Variants in FRAS1 observed in about 807,000 individuals in gnomAD.
FRAS1 encodes the protein extracellular matrix organizing protein FRAS1.
FRAS1 carries 290 observed loss-of-function variants against 435.2 expected under a neutral mutation model. The ratio of observed to expected loss-of-function variants is 0.67; its 90% CI spans 0.61 to 0.73. The LOEUF (loss-of-function observed/expected upper bound fraction) is 0.73, where lower values mean the gene tolerates loss of function less well. Among genes scored for constraint, FRAS1 ranks in the 30% least tolerant of loss-of-function variants. The probability of loss-of-function intolerance (pLI) is 0.00; values close to 1 mark genes in which losing one functional copy is unlikely to be tolerated. For synonymous variants in FRAS1, 1,800 were observed against 1,851.0 expected (o/e 0.97, Z 0.71); for missense variants, 4,860 against 5,001.5 (o/e 0.97, Z 0.85).
chr4:78,356,225 A>G (rs576648868), intron 20 of FRAS1, among the ~76,000 whole-genome samples: 2 of 152,298 alleles, frequency 1.3e-5, no homozygotes, highest in Admixed American at 1.3e-4. Context: ...GCAGCCGAGT[A>G]GCACCCTTTT....
intron 41 of FRAS1, among the ~76,000 whole-genome samples, chr4:78,443,700 CA>C (rs1213730786): frequency 6.6e-6 from 1 of 152,110 alleles, no homozygotes; most frequent in African/African-American, 2.4e-5. Context: ...TGATTTATGT[CA>C]AAAATAGAAG....
intron 2 of FRAS1, among the ~76,000 whole-genome samples, chr4:78,113,285 C>T (rs1331676065): frequency 2.0e-5 from 3 of 152,176 alleles, no homozygotes; most frequent in African/African-American, 7.2e-5. Context: ...CCGCAACAAA[C>T]ATAAGTGTGC....
chr4:78,407,461 A>C (rs1458139822), intron 30 of FRAS1, among the ~76,000 whole-genome samples: 1 of 152,178 alleles, frequency 6.6e-6, no homozygotes, highest in African/African-American at 2.4e-5. Context: ...TTTTAGCAGA[A>C]AGCCTGAGAA....
chr4:78,407,788 G>T lies in FRAS1; in HGVS notation c.4255G>T (p.Val1419Leu). 2 of 1,613,818 alleles carry T rather than the reference G, an allele frequency of 1.2e-6. No homozygotes were observed. The highest frequency in any genetic ancestry group is 1.7e-6 in the Non-Finnish European group (2 of 1,179,814). Residue 1419 changes from valine to leucine, a missense_variant, in exon 31 of 74, where the codon GTA becomes TTA. By Grantham distance (32) the Val-to-Leu change is conservative. Transcript: ENST00000512123. The stretch of plus-strand genomic sequence containing the variant: ...CCAGCAGGACATCAATGAAGGCATC[G>T]TATGGTACAGGCACTCAGGAGCCCC... The part of the protein sequence containing the change: ...FTQQDINEGI[V>L]WYRHSGAPAQ...
At chr4:78,180,717 T>C in intron 2 of FRAS1, 1 of 687,272 alleles carries the variant, frequency 1.5e-6, no homozygotes, top group Non-Finnish European at 2.5e-6. Context: ...AAGTTCATTT[T>C]TGAAACAGAT....
chr4:78,369,059 A>G lies in FRAS1; in HGVS notation c.2723-779A>G, dbSNP rs190215231. Among the ~76,000 whole-genome samples the G allele has an allele frequency of 1.9e-3, 296 of 152,348 alleles. 3 individuals are homozygous for G. Among genetic ancestry groups the G allele is most frequent in the African/African-American group, 6.3e-3 (264 of 41,584 alleles). On this transcript the variant is annotated intron_variant, in intron 22 of 73. Coordinates refer to ENST00000512123, the MANE Select transcript of FRAS1 (RefSeq NM_025074.7). ...TGGGGAAACCAATTAGGAGGCTGTG[A>G]TAGTAGTTCAGCAGGGGATGATGAT...
intron 2 of FRAS1, among the ~76,000 whole-genome samples, chr4:78,122,626 T>C (rs1471332861): frequency 5.3e-5 from 8 of 152,144 alleles, no homozygotes; most frequent in African/African-American, 1.7e-4. Context: ...TTCCACAACC[T>C]CTCCAGCATC....
chr4:78,497,939 CATT>C (rs199513289), intron 60 of FRAS1, among the ~76,000 whole-genome samples: 1,741 of 152,288 alleles, frequency 0.011, 30 homozygotes, highest in African/African-American at 0.04. Context: ...GAAAACCCAT[CATT>C]GAGACTCAGA....
intron 43 of FRAS1, 69 bp downstream of exon 43, chr4:78,446,949 A>T: frequency 7.2e-7 from 1 of 1,394,994 alleles, no homozygotes; most frequent in Non-Finnish European, 9.8e-7. Context: ...ATAAACACAA[A>T]TATTTCAGTT....
At chr4:78,230,697 G>A (rs1724480821) in intron 2 of FRAS1, among the ~76,000 whole-genome samples, 1 of 152,136 alleles carries the variant, frequency 6.6e-6, no homozygotes, top group African/African-American at 2.4e-5. Flanking sequence ...AGACTTAATT[G>A]AATATTGCGT....
intron 2 of FRAS1, among the ~76,000 whole-genome samples, chr4:78,209,826 C>T (rs929505307): frequency 1.2e-4 from 19 of 152,178 alleles, no homozygotes; most frequent in African/African-American, 4.6e-4. Context: ...CCAAGTAAAT[C>T]GTCAAGGAGG....
intron 29 of FRAS1, 22 bp from the exon 30 acceptor site, chr4:78,400,712 C>G: frequency 6.2e-7 from 1 of 1,607,070 alleles, no homozygotes; most frequent in East Asian, 2.2e-5. Context: ...GGAACTAATT[C>G]TGCATTTTAT....
At chr4:78,109,405 T>A (rs545424067) in intron 2 of FRAS1, among the ~76,000 whole-genome samples, 1 of 149,702 alleles carries the variant, frequency 6.7e-6, no homozygotes, top group Non-Finnish European at 1.5e-5. Flanking sequence ...TCCACCATGA[T>A]CAAGTGGGCT....
chr4:78,118,838 T>C (rs899140035), intron 2 of FRAS1, among the ~76,000 whole-genome samples: 10 of 152,078 alleles, frequency 6.6e-5, no homozygotes, highest in Non-Finnish European at 1.2e-4. Flanking sequence ...GCACCCACTC[T>C]CCGACACTCC....
chr4:78,478,119 C>T, intron 55 of FRAS1, 58 bp downstream of exon 55: 1 of 1,497,384 alleles, frequency 6.7e-7, no homozygotes, highest in Non-Finnish European at 9.0e-7. Flanking sequence ...TTATTGAGTT[C>T]CTATTATGTG....
At chr4:78,374,983 G>A (rs4975076) in intron 25 of FRAS1, among the ~76,000 whole-genome samples, 125,360 of 152,168 alleles carry the variant, frequency 0.82, 52,376 homozygotes, top group African/African-American at 0.96. Flanking sequence ...AATCACAGCA[G>A]CTTAAGATCA....
chr4:78,528,179 C>G (rs1300873150), intron 70 of FRAS1, among the ~76,000 whole-genome samples: 1 of 152,146 alleles, frequency 6.6e-6, no homozygotes, highest in Non-Finnish European at 1.5e-5. Context: ...CCATCTCAGA[C>G]AGTGGAAAAG....
At chr4:78,323,825 T>A (rs185343349) in intron 18 of FRAS1, among the ~76,000 whole-genome samples, 13 of 152,302 alleles carry the variant, frequency 8.5e-5, no homozygotes, top group African/African-American at 2.4e-4. Context: ...CTTCTTCTAC[T>A]ATGGTTGAAG....
chr4:78,065,952 C>T, intron 1 of FRAS1, 33 bp from the exon 2 acceptor site: 1 of 1,565,948 alleles, frequency 6.4e-7, no homozygotes, highest in Non-Finnish European at 8.8e-7. Context: ...TATTATGCAT[C>T]CCTTTTAATT....
Sources: gnomAD v4.1 joint callset for allele counts (sites outside exome capture counted in the v4.1 genomes callset) on GRCh38, gnomAD v4.1.1 for gene constraint, MANE v1.5 for transcripts, NCBI Gene and HGNC (gene_info 2026-07-23, HGNC 2026-07-21) for gene names.